PITPNM2: variants seen among roughly 807,000 people sequenced by gnomAD.
The protein encoded by PITPNM2 is membrane-associated phosphatidylinositol transfer protein 2.
PITPNM2 carries 35 observed loss-of-function variants against 132.2 expected under a neutral mutation model. The observed-to-expected ratio is 0.26, with a 90% CI of 0.20 to 0.35. PITPNM2 has a LOEUF of 0.35. Ranked by LOEUF, PITPNM2 falls within the 10% of genes least tolerant of loss-of-function variation. PITPNM2 has a pLI of 1.00. For missense variants in PITPNM2, 1,332 were observed against 1,912.0 expected (o/e 0.70, Z 5.66); for synonymous variants, 738 against 799.2 (o/e 0.92, Z 1.29).
At chr12:123,049,415 C>T (rs897381558) in intron 2 of PITPNM2, among the ~76,000 whole-genome samples, 1 of 152,170 alleles carries the variant, frequency 6.6e-6, no homozygotes, top group African/African-American at 2.4e-5. Flanking sequence ...TGTCTGCCTG[C>T]TCGTGAGCCA....
chr12:122,992,408 G>A lies in PITPNM2; in HGVS notation c.2404+91C>T. 1 of 1,457,388 alleles carries A rather than the reference G, an allele frequency of 6.9e-7. No homozygotes were observed. Among genetic ancestry groups the A allele is most frequent in the Non-Finnish European group, 9.2e-7 (1 of 1,089,872 alleles). 90.3% of individuals were successfully genotyped at this position (1,457,388 alleles called of 1,614,324 possible). ...GCACAAGCTGTCCCTCTCACCTGGGGAAGAACCACGTAGCATGGAGGACCT... is the reference window on the plus strand; with the variant it reads ...GCACAAGCTGTCCCTCTCACCTGGGAAAGAACCACGTAGCATGGAGGACCT... On this transcript the variant is annotated intron_variant, in intron 16 of 25. Coordinates refer to ENST00000320201, the MANE Select transcript of PITPNM2 (RefSeq NM_020845.3). The surrounding 1 kb of genome is among the most constrained non-coding windows in gnomAD (Gnocchi z 6.5).
intron 2 of PITPNM2, among the ~76,000 whole-genome samples, chr12:123,066,415 T>C (rs484200): frequency 0.025 from 3,803 of 152,248 alleles, 72 homozygotes; most frequent in South Asian, 0.044. Context: ...CACAAACTCA[T>C]GAGCCAGCCA....
Position 123,106,619 on chromosome 12 carries a change from G to C in PITPNM2, c.-96+3766C>G, listed in dbSNP as rs1341455571. ...GAACCATATCAATAAACAAAATGTA[G>C]ATGGGAGCAGTCAGGAGGGGCACAG... On this transcript the variant is annotated intron_variant, in intron 2 of 25. Transcript: ENST00000320201. The surrounding 1 kb of genome is among the most constrained non-coding windows in gnomAD (Gnocchi z 4.4). Among the ~76,000 whole-genome samples the C allele has an allele frequency of 6.6e-6, 1 of 152,182 alleles. No homozygotes were observed. Among genetic ancestry groups the C allele is most frequent in the Non-Finnish European group, 1.5e-5 (1 of 68,026 alleles).
intron 14 of PITPNM2, 78 bp downstream of exon 14, chr12:122,995,311 C>A: frequency 6.6e-7 from 1 of 1,505,016 alleles, no homozygotes; most frequent in Non-Finnish European, 8.8e-7. Context: ...TCCTGTTGGC[C>A]ATCACAGGGG....
chr12:123,145,101 A>C (rs1327005948), intron 1 of PITPNM2, among the ~76,000 whole-genome samples: 1 of 152,144 alleles, frequency 6.6e-6, no homozygotes, highest in Non-Finnish European at 1.5e-5. Context: ...CATTGGGCCC[A>C]GGAGTTTGAA....
rs764142003 is a variant in PITPNM2, at chr12:123,009,934, T to C, written c.559A>G (p.Ile187Val). Residue 187 changes from isoleucine (I) to valine (V), a missense_variant, in exon 6 of 26, where the codon ATC becomes GTC. Transcript: ENST00000320201. The surrounding 1 kb of genome is among the most constrained non-coding windows in gnomAD (Gnocchi z 4.8). ...IEEYKKQVFP[I>V]MCAYKLCKVE... ...TTGCAGAGCTTGTATGCGCACATGA[T>C]GGGGAAGACCTGCTTCTTGTACTCC... The C allele has an allele frequency of 6.2e-7, 1 of 1,614,124 alleles. No individual in the cohort carries two copies. Among genetic ancestry groups the C allele is most frequent in the Non-Finnish European group, 8.5e-7 (1 of 1,180,024 alleles).
intron 1 of PITPNM2, among the ~76,000 whole-genome samples, chr12:123,149,135 C>T (rs1221585080): frequency 2.6e-5 from 4 of 152,170 alleles, no homozygotes; most frequent in African/African-American, 9.7e-5. Context: ...TAGTTAAGCT[C>T]CTGTAGCAAG....
intron 2 of PITPNM2, among the ~76,000 whole-genome samples, chr12:123,035,772 A>T (rs2040249031): frequency 6.6e-6 from 1 of 152,216 alleles, no homozygotes; most frequent in Non-Finnish European, 1.5e-5. Flanking sequence ...AAGCTTTGCC[A>T]TAAATATCAT....
chr12:123,061,903 G>C lies in PITPNM2; in HGVS notation c.-95-27218C>G, dbSNP rs1278742387. On this transcript the variant is annotated intron_variant, in intron 2 of 25. Transcript: ENST00000320201. ...GCCGGAGCAGCTATGAGGGCTGGCTGCTGGGAAGAGATGGAGTTGGGTGCG... is the reference window on the plus strand; with the variant it reads ...GCCGGAGCAGCTATGAGGGCTGGCTCCTGGGAAGAGATGGAGTTGGGTGCG... Among the ~76,000 whole-genome samples the C allele has an allele frequency of 3.9e-5, 6 of 152,208 alleles. No individual in the cohort carries two copies. The East Asian group carries it at 1.2e-3, about 29-fold the overall frequency.
rs1315925788 is a variant in PITPNM2, at chr12:122,984,976, T to C, written c.*1051A>G. 1 of 152,120 alleles carries C rather than the reference T, an allele frequency of 6.6e-6. No individual in the cohort carries two copies. The highest frequency in any genetic ancestry group is 1.5e-5 in the Non-Finnish European group (1 of 67,990). 9.4% of individuals were successfully genotyped at this position (152,120 alleles called of 1,614,324 possible). ...TCTTAGATTCGGCATGAAAACGGAATTGGCATTAAAAAAACCGAAGTGTGT... is the reference window on the plus strand; with the variant it reads ...TCTTAGATTCGGCATGAAAACGGAACTGGCATTAAAAAAACCGAAGTGTGT... On this transcript the variant is annotated 3_prime_UTR_variant, in exon 26 of 26. Transcript: ENST00000320201.
intron 3 of PITPNM2, among the ~76,000 whole-genome samples, chr12:123,019,330 C>G (rs1162099050): frequency 6.6e-6 from 1 of 152,166 alleles, no homozygotes; most frequent in Middle Eastern, 3.2e-3. Context: ...GGCATATTCA[C>G]TTTTTGCAAG....
Position 123,058,792 on chromosome 12 carries a change from T to C in PITPNM2, c.-95-24107A>G, listed in dbSNP as rs1235709771. Reference sequence around the variant, plus strand: ...GCTGGTTCTTTTGTGGAAAAAGCCCTTTCCCACGGGGTCCACCTGGAAAAT... The same window carrying C: ...GCTGGTTCTTTTGTGGAAAAAGCCCCTTCCCACGGGGTCCACCTGGAAAAT... On this transcript the variant is annotated intron_variant, in intron 2 of 25. Coordinates refer to ENST00000320201, the MANE Select transcript of PITPNM2 (RefSeq NM_020845.3). This position sits in a 1 kb window ranked among gnomAD's most constrained non-coding sequence, Gnocchi z 4.0. Among the ~76,000 whole-genome samples the C allele has an allele frequency of 1.3e-5, 2 of 152,156 alleles. No individual in the cohort carries two copies. Among genetic ancestry groups the C allele is most frequent in the Non-Finnish European group, 2.9e-5 (2 of 68,034 alleles).
rs2041981303 is a variant in PITPNM2 at position 123,082,100 on chromosome 12, A to G, written c.-96+28285T>C. The G allele has an allele frequency of 6.6e-6, 1 of 152,332 alleles. No individual in the cohort carries two copies. Among genetic ancestry groups the G allele is most frequent in the African/African-American group, 2.4e-5 (1 of 41,462 alleles). The allele number at this position is 152,332 out of a possible 1,614,324, so 9.4% of individuals were successfully genotyped here. On this transcript the variant is annotated intron_variant, in intron 2 of 25. Coordinates refer to ENST00000320201, the MANE Select transcript of PITPNM2 (RefSeq NM_020845.3). The surrounding 1 kb of genome is among the most constrained non-coding windows in gnomAD (Gnocchi z 5.4). ...ACAGACTGGCCAGAAGGACCAGGACATGCTCAAAGCCCTGAATGGCCTCTC... is the reference window on the plus strand; with the variant it reads ...ACAGACTGGCCAGAAGGACCAGGACGTGCTCAAAGCCCTGAATGGCCTCTC...
In PITPNM2 at chr12:123,031,263, A is replaced by T. The variant is rs1273719898; in HGVS notation, c.78+3250T>A. On this transcript the variant is annotated intron_variant, in intron 3 of 25. Coordinates refer to ENST00000320201, the MANE Select transcript of PITPNM2 (RefSeq NM_020845.3). The surrounding 1 kb of genome is among the most constrained non-coding windows in gnomAD (Gnocchi z 4.5). ...GATAGCCTGAGCCCCGTCCATGCAG[A>T]CAGTAGGCAGGCCAGCGTTTTGCCC... Among the ~76,000 whole-genome samples the T allele has an allele frequency of 6.6e-6, 1 of 152,232 alleles. No individual in the cohort carries two copies. The highest frequency in any genetic ancestry group is 6.5e-5 in the Admixed American group (1 of 15,282).
In PITPNM2 at chr12:123,000,192, A is replaced by G. The variant is rs2038598736; in HGVS notation, c.1224+586T>C. Reference sequence around the variant, plus strand: ...CGGTGACCGCAGGTGATGGTGGGACAGCCCAGCTCAGCCCTGGCTCCTGTC... The same window carrying G: ...CGGTGACCGCAGGTGATGGTGGGACGGCCCAGCTCAGCCCTGGCTCCTGTC... On this transcript the variant is annotated intron_variant, in intron 10 of 25. Coordinates refer to ENST00000320201, the MANE Select transcript of PITPNM2 (RefSeq NM_020845.3). The surrounding 1 kb of genome is among the most constrained non-coding windows in gnomAD (Gnocchi z 5.4). 1.7e-6 allele frequency: 1 copy of G among 579,176 alleles called. No homozygotes were observed. Among genetic ancestry groups the G allele is most frequent in the Non-Finnish European group, 3.1e-6 (1 of 325,798 alleles). 35.9% of individuals were successfully genotyped at this position (579,176 alleles called of 1,614,324 possible). A position where few individuals can be genotyped will look rare whatever the true frequency, so the allele number is the denominator to read the frequency against.
chr12:123,134,027 G>T (rs138685914), intron 1 of PITPNM2, among the ~76,000 whole-genome samples: 1 of 152,152 alleles, frequency 6.6e-6, no homozygotes, highest in African/African-American at 2.4e-5. Context: ...GATAGGCAAA[G>T]ATTTCAACAA....
At chr12:123,003,423 G>T (rs1169380656) in intron 8 of PITPNM2, among the ~76,000 whole-genome samples, 1 of 152,180 alleles carries the variant, frequency 6.6e-6, no homozygotes, top group Non-Finnish European at 1.5e-5. Flanking sequence ...CCACCTGGGA[G>T]GGGTGGGACG....
At chr12:123,033,616 G>A (rs774581380) in intron 3 of PITPNM2, among the ~76,000 whole-genome samples, 2 of 152,234 alleles carry the variant, frequency 1.3e-5, no homozygotes, top group Non-Finnish European at 2.9e-5. Flanking sequence ...GGAGCTGGGA[G>A]CTAGGAGACA....
chr12:122,988,091 G>T, intron 20 of PITPNM2, 143 bp downstream of exon 20: 2 of 894,326 alleles, frequency 2.2e-6, no homozygotes, highest in Non-Finnish European at 3.5e-6. Flanking sequence ...CCCTGTCTGT[G>T]AAGTGGGCTG....
Sources: allele counts gnomAD v4.1 joint callset (sites outside exome capture counted in the v4.1 genomes callset), GRCh38; gene constraint gnomAD v4.1.1; non-coding constraint Gnocchi (gnomAD v3.1); transcripts MANE v1.5; gene names NCBI Gene and HGNC (gene_info 2026-07-23, HGNC 2026-07-21).